The following EML4 variants were observed in gnomAD, a reference collection of about 807,000 sequenced individuals.
EML4 encodes the protein echinoderm microtubule-associated protein-like 4.
Under a neutral mutation model 129.0 loss-of-function variants are expected in EML4, and 72 were observed. That is an observed-to-expected ratio of 0.56 (90% CI 0.46 to 0.68). The LOEUF (loss-of-function observed/expected upper bound fraction) is 0.68. Among genes scored for constraint, EML4 ranks in the 30% least tolerant of loss-of-function variants. The pLI is 0.00. For missense variants in EML4, 1,363 were observed against 1,190.6 expected, an observed-to-expected ratio of 1.14 and a Z score of -2.13; for synonymous variants, 532 against 405.0, an observed-to-expected ratio of 1.31 and a Z score of -3.77.
chr2:42,243,437 C>A (rs1675171203), intron 1 of EML4, among the ~76,000 whole-genome samples: 1 of 151,400 alleles, frequency 6.6e-6, no homozygotes. Context: ...CAGAGTTGGA[C>A]ACATGTGCCT....
chr2:42,182,315 C>G (rs1219974755), intron 1 of EML4, among the ~76,000 whole-genome samples: 1 of 145,212 alleles, frequency 6.9e-6, no homozygotes, highest in African/African-American at 2.5e-5. Context: ...CCCCTCCCCC[C>G]TCCACTGGTT....
chr2:42,269,555 G>C (rs1336100433), intron 6 of EML4, among the ~76,000 whole-genome samples: 1 of 152,098 alleles, frequency 6.6e-6, no homozygotes, highest in African/African-American at 2.4e-5. Context: ...ATATATATGA[G>C]GAAAGAATAA....
intron 1 of EML4, among the ~76,000 whole-genome samples, chr2:42,226,762 G>A (rs1288013893): frequency 3.9e-5 from 6 of 152,080 alleles, no homozygotes; most frequent in Admixed American, 6.6e-5. Flanking sequence ...AAAATGCTAC[G>A]TGAGATAATG....
At chr2:42,190,233 T>C (rs752228154) in intron 1 of EML4, among the ~76,000 whole-genome samples, 1 of 152,224 alleles carries the variant, frequency 6.6e-6, no homozygotes, top group Non-Finnish European at 1.5e-5. Context: ...CTTTCTATTC[T>C]TTGCAACCTT....
At chr2:42,179,370 G>A (rs982213733) in intron 1 of EML4, among the ~76,000 whole-genome samples, 5 of 151,772 alleles carry the variant, frequency 3.3e-5, no homozygotes, top group African/African-American at 4.8e-5. Context: ...ATTTTAGACT[G>A]GATCTTGTAT....
intron 17 of EML4, among the ~76,000 whole-genome samples, chr2:42,312,012 C>T (rs985613327): frequency 5.9e-5 from 9 of 152,142 alleles, no homozygotes; most frequent in Non-Finnish European, 1.0e-4. Context: ...GCCCGGCCTT[C>T]CTATGCACTT....
chr2:42,240,608 T>C (rs1040265144), intron 1 of EML4, among the ~76,000 whole-genome samples: 6 of 152,270 alleles, frequency 3.9e-5, no homozygotes, highest in African/African-American at 7.2e-5. Flanking sequence ...TTCCATGATA[T>C]TCTATGGTAT....
Position 42,256,093 on chromosome 2 carries a change from C to T in EML4, c.209-408C>T, listed in dbSNP as rs142358659. On this transcript the variant is annotated intron_variant, in intron 2 of 22. Transcript: ENST00000318522. ...TGCTTTATTTGTATGGAGTAACAGTCTAGAATTTAATATTTATGGTTTCTA... is the reference window on the plus strand; with the variant it reads ...TGCTTTATTTGTATGGAGTAACAGTTTAGAATTTAATATTTATGGTTTCTA... Among the ~76,000 whole-genome samples the T allele has an allele frequency of 8.7e-4, 133 of 152,210 alleles. 3 individuals carry two copies. In the East Asian group the frequency reaches 0.021, roughly 24 times the overall value.
chr2:42,295,623 C>T, intron 13 of EML4, 107 bp downstream of exon 13: 1 of 832,452 alleles, frequency 1.2e-6, no homozygotes, highest in Non-Finnish European at 1.8e-6. Flanking sequence ...ACAATATGAG[C>T]AAGTCACCAA....
At chr2:42,204,848 G>A (rs891168820) in intron 1 of EML4, among the ~76,000 whole-genome samples, 25 of 152,162 alleles carry the variant, frequency 1.6e-4, no homozygotes, top group Admixed American at 6.6e-5. Context: ...AACCTAGTTA[G>A]GTAGGTAGAG....
rs759678166 is a variant in EML4, at chr2:42,316,098, C to A, written c.2056+48C>A. The stretch of plus-strand genomic sequence containing the variant: ...CCCAAGCATGGCATTCACAGCACTT[C>A]ACTGCAATTGCATAGTTTTACTTCT... On this transcript the variant is annotated intron_variant, in intron 18 of 22. Coordinates refer to ENST00000318522, the MANE Select transcript of EML4 (RefSeq NM_019063.5). 2.4e-6 allele frequency: 3 copies of A among 1,268,826 alleles called. No individual in the cohort carries two copies. The Admixed American group carries it at 5.2e-5, about 22-fold the overall frequency. 78.6% of individuals were successfully genotyped at this position (1,268,826 alleles called of 1,614,324 possible). A position where few individuals can be genotyped will look rare whatever the true frequency, so the allele number is the denominator to read the frequency against.
intron 11 of EML4, among the ~76,000 whole-genome samples, chr2:42,292,839 A>T (rs1667727636): frequency 6.6e-6 from 1 of 152,156 alleles, no homozygotes; most frequent in Non-Finnish European, 1.5e-5. Context: ...AAACTCATAG[A>T]TTTCTTCAGT....
chr2:42,279,697 A>G lies in EML4; in HGVS notation c.668-1153A>G, dbSNP rs1666896914. On this transcript the variant is annotated intron_variant, in intron 6 of 22. Coordinates refer to ENST00000318522, the MANE Select transcript of EML4 (RefSeq NM_019063.5). ...CACCGTGTTAGCCACGATGGTCTCAATCTCCTGACCTCATGATCTGCCCAT... is the reference window on the plus strand; with the variant it reads ...CACCGTGTTAGCCACGATGGTCTCAGTCTCCTGACCTCATGATCTGCCCAT... Among the ~76,000 whole-genome samples the G allele has an allele frequency of 2.0e-5, 3 of 151,878 alleles. No homozygotes were observed. The South Asian group carries it at 6.2e-4, about 32-fold the overall frequency.
intron 1 of EML4, among the ~76,000 whole-genome samples, chr2:42,172,685 C>G (rs1670349945): frequency 6.6e-6 from 1 of 151,592 alleles, no homozygotes. Context: ...GAGAAAAGTA[C>G]TCAATTACCT....
chr2:42,235,045 C>A (rs985599088), intron 1 of EML4, among the ~76,000 whole-genome samples: 2 of 152,102 alleles, frequency 1.3e-5, no homozygotes, highest in African/African-American at 4.8e-5. Context: ...CCTGTAATCC[C>A]AGCACTTTGG....
At chr2:42,245,826 C>T in intron 2 of EML4, 139 bp downstream of exon 2, 4 of 756,230 alleles carry the variant, frequency 5.3e-6, no homozygotes, top group East Asian at 3.1e-5. Context: ...TTTTTAATTC[C>T]CAAAAAGTTC....
chr2:42,281,662 A>C (rs1048407039), intron 7 of EML4, among the ~76,000 whole-genome samples: 34 of 152,372 alleles, frequency 2.2e-4, no homozygotes, highest in African/African-American at 7.9e-4. Flanking sequence ...TAGGAATTAA[A>C]TAAGAAAACA....
intron 1 of EML4, among the ~76,000 whole-genome samples, chr2:42,231,410 T>G (rs779229332): frequency 6.6e-6 from 1 of 152,196 alleles, no homozygotes; most frequent in Non-Finnish European, 1.5e-5. Context: ...GCCTCTATCT[T>G]AAGCCCAAGA....
chr2:42,316,308 C>G (rs1338049393), intron 18 of EML4, among the ~76,000 whole-genome samples: 1 of 152,108 alleles, frequency 6.6e-6, no homozygotes, highest in African/African-American at 2.4e-5. Flanking sequence ...AAAGTGCAGT[C>G]AGATCCCCTT....
Sources: allele counts gnomAD v4.1 joint callset (sites outside exome capture counted in the v4.1 genomes callset), GRCh38; gene constraint gnomAD v4.1.1; transcripts MANE v1.5; gene names NCBI Gene and HGNC (gene_info 2026-07-23, HGNC 2026-07-21).